Variants in MTCL1 observed in about 807,000 individuals in gnomAD.
The protein encoded by MTCL1 is microtubule crosslinking factor 1, also known as microtubule cross-linking factor 1.
A neutral mutation model predicts 141.4 loss-of-function variants in MTCL1; 79 were observed. That is an observed-to-expected ratio of 0.56 (90% CI 0.47 to 0.67). MTCL1 has a LOEUF of 0.67. Ranked by LOEUF, MTCL1 falls within the 30% of genes least tolerant of loss-of-function variation. MTCL1 has a pLI of 0.00. For synonymous variants in MTCL1, 914 were observed against 875.8 expected (o/e 1.04, Z -0.77); for missense variants, 2,177 against 2,113.9 (o/e 1.03, Z -0.59).
chr18:8,822,369 A>G lies in MTCL1; in HGVS notation c.3188+871A>G, dbSNP rs1206684820. On this transcript the variant is annotated intron_variant, in intron 14 of 16. Coordinates refer to ENST00000359865, the Ensembl canonical transcript of MTCL1. The surrounding 1 kb of genome is among the most constrained non-coding windows in gnomAD (Gnocchi z 4.6). The stretch of plus-strand genomic sequence containing the variant: ...GAGTACAGTGGCACAATCTTGGCTC[A>G]CTGCAACCTCTGCCCCCTGGGTTCA... Among the ~76,000 whole-genome samples, 1 of 152,118 alleles carries G rather than the reference A, an allele frequency of 6.6e-6. No homozygotes were observed. Among genetic ancestry groups the G allele is most frequent in the Non-Finnish European group, 1.5e-5 (1 of 68,026 alleles).
intron 15 of MTCL1, among the ~76,000 whole-genome samples, chr18:8,827,049 G>C (rs2077049255): frequency 6.6e-6 from 1 of 152,244 alleles, no homozygotes; most frequent in African/African-American, 2.4e-5. Flanking sequence ...GCAGCACAGA[G>C]AGGACGTGTC....
chr18:8,791,342 G>T (rs1041921376), intron 7 of MTCL1, among the ~76,000 whole-genome samples: 1 of 151,690 alleles, frequency 6.6e-6, no homozygotes, highest in Non-Finnish European at 1.5e-5. Flanking sequence ...TACCAGTTTG[G>T]TCCGGGAATC....
Position 8,725,776 on chromosome 18 carries a change from C to CTTTTT in MTCL1, c.357+5289_357+5293dup, listed in dbSNP as rs1220187127. On this transcript the variant is annotated intron_variant, in intron 4 of 16. Transcript: ENST00000359865. ...GCGTTATGTATTTTGGTGCCATTTTCTTTTTTTTTTTTTCTTTTTTTTTTT... is the reference window on the plus strand; with the variant it reads ...GCGTTATGTATTTTGGTGCCATTTTCTTTTTTTTTTTTTTTTTTCTTTTTTTTTTT... Among the ~76,000 whole-genome samples the CTTTTT allele has an allele frequency of 5.2e-3, 575 of 110,936 alleles. 35 individuals are homozygous for CTTTTT. The highest frequency in any genetic ancestry group is 0.012 in the African/African-American group (322 of 27,020). 72.8% of individuals were successfully genotyped at this position (110,936 alleles called of 152,430 possible). A position where few individuals can be genotyped will look rare whatever the true frequency, so the allele number is the denominator to read the frequency against.
At chr18:8,794,694 A>G (rs2075853667) in intron 8 of MTCL1, among the ~76,000 whole-genome samples, 1 of 152,206 alleles carries the variant, frequency 6.6e-6, no homozygotes, top group African/African-American at 2.4e-5. Context: ...GGGCAAAGTT[A>G]AGTCCTGGAG....
intron 15 of MTCL1, among the ~76,000 whole-genome samples, chr18:8,827,734 G>A (rs12957034): frequency 0.018 from 2,698 of 152,242 alleles, 60 homozygotes; most frequent in East Asian, 0.11. Context: ...TGTATTGTCT[G>A]TTTATATTAC....
At chr18:8,806,765 C>T in intron 10 of MTCL1, 128 bp from the exon 10 acceptor site, 2 of 820,464 alleles carry the variant, frequency 2.4e-6, no homozygotes, top group East Asian at 6.2e-5. Flanking sequence ...CCCCACCCAC[C>T]CTGCACCCAC....
intron 12 of MTCL1, among the ~76,000 whole-genome samples, chr18:8,818,349 T>C (rs1374069560): frequency 6.6e-6 from 1 of 152,212 alleles, no homozygotes; most frequent in Admixed American, 6.5e-5. Flanking sequence ...ATGTGGCTTT[T>C]TTTTTTTCTT....
intron 4 of MTCL1, among the ~76,000 whole-genome samples, chr18:8,743,846 T>C (rs1234072813): frequency 3.9e-5 from 6 of 152,226 alleles, no homozygotes; most frequent in African/African-American, 9.6e-5. Context: ...ACATATTCTG[T>C]GGATCAAGGA....
exon 15 of MTCL1, chr18:8,825,667 G>T: frequency 1.9e-6 from 3 of 1,613,876 alleles, no homozygotes; most frequent in Non-Finnish European, 2.5e-6. Context: ...CGCACATGCT[G>T]CTCCCCCAAG....
intron 4 of MTCL1, among the ~76,000 whole-genome samples, chr18:8,728,598 G>A (rs1408014225): frequency 2.6e-5 from 4 of 151,562 alleles, no homozygotes; most frequent in Non-Finnish European, 5.9e-5. Context: ...GAAATCTGGA[G>A]AATTCTCACT....
At chr18:8,824,322 C>T (rs377436819) in intron 14 of MTCL1, among the ~76,000 whole-genome samples, 8 of 152,220 alleles carry the variant, frequency 5.3e-5, no homozygotes, top group African/African-American at 1.2e-4. Flanking sequence ...TGGCCATCGC[C>T]GTGGCTCACC....
intron 1 of MTCL1, chr18:8,707,297 G>A (rs975325855): frequency 6.6e-6 from 1 of 152,456 alleles, no homozygotes; most frequent in African/African-American, 2.4e-5. Flanking sequence ...AGAGGTCCTT[G>A]GAGTGTGGCC....
intron 1 of MTCL1, among the ~76,000 whole-genome samples, chr18:8,712,271 A>G (rs2096097681): frequency 6.6e-6 from 1 of 152,232 alleles, no homozygotes; most frequent in African/African-American, 2.4e-5. Context: ...TTGGAGAGGA[A>G]TGATTTCCTA....
At chr18:8,778,298 T>G (rs555051558) in intron 5 of MTCL1, among the ~76,000 whole-genome samples, 75 of 152,374 alleles carry the variant, frequency 4.9e-4, no homozygotes, top group Non-Finnish European at 7.9e-4. Context: ...TTTTTAAATG[T>G]GCAAGCTGAA....
intron 7 of MTCL1, chr18:8,786,402 T>G: frequency 1.7e-6 from 1 of 573,240 alleles, no homozygotes; most frequent in Non-Finnish European, 3.3e-6. Context: ...AGTGGCTTCT[T>G]GTCCAGTCGC....
At position 8,826,249 on chromosome 18, in the gene MTCL1, G is replaced by GC; in HGVS notation, c.4722+21dup. 1 of 1,548,112 alleles carries GC rather than the reference G, an allele frequency of 6.5e-7. No individual in the cohort carries two copies. The highest frequency in any genetic ancestry group is 8.7e-7 in the Non-Finnish European group (1 of 1,145,254). Reference sequence around the variant, plus strand: ...CCCATGGAGGTAATGAATGCTGAGTGCCCCACACCCTTCCCCACCAGCTCT... The same window carrying GC: ...CCCATGGAGGTAATGAATGCTGAGTGCCCCCACACCCTTCCCCACCAGCTCT... On this transcript the variant is annotated intron_variant, in intron 15 of 16. Transcript: ENST00000359865.
chr18:8,743,173 C>T (rs2096314277), intron 4 of MTCL1, among the ~76,000 whole-genome samples: 1 of 152,150 alleles, frequency 6.6e-6, no homozygotes, highest in African/African-American at 2.4e-5. Context: ...GTTTCCTGTT[C>T]CTTAGTACAG....
intron 4 of MTCL1, among the ~76,000 whole-genome samples, chr18:8,777,174 T>TG (rs1480535825): frequency 6.6e-6 from 1 of 152,208 alleles, no homozygotes; most frequent in African/African-American, 2.4e-5. Flanking sequence ...AGGTGGAACT[T>TG]GCAGTGAGCT....
intron 4 of MTCL1, among the ~76,000 whole-genome samples, chr18:8,728,748 T>G (rs1311672538): frequency 1.1e-5 from 1 of 92,880 alleles, no homozygotes; most frequent in Non-Finnish European, 2.1e-5. Flanking sequence ...TTTTTTTTTT[T>G]GAGACGGAGT....
Sources: allele counts gnomAD v4.1 joint callset (sites outside exome capture counted in the v4.1 genomes callset), GRCh38; gene constraint gnomAD v4.1.1; non-coding constraint Gnocchi (gnomAD v3.1); transcripts MANE v1.5; gene names NCBI Gene and HGNC (gene_info 2026-07-23, HGNC 2026-07-21).